The following GPR149 variants were observed in gnomAD, a reference collection of about 807,000 sequenced individuals.
The protein encoded by GPR149 is probable G protein-coupled receptor 149.
In GPR149, 50 loss-of-function variants were observed where a neutral mutation model predicts 50.2. The ratio of observed to expected loss-of-function variants is 1.00; its 90% confidence interval spans 0.79 to 1.26. The LOEUF (loss-of-function observed/expected upper bound fraction) is 1.26, where lower values mean the gene tolerates loss of function less well. Among genes scored for constraint, GPR149 ranks in the 50% most tolerant of loss-of-function variants. The pLI is 0.00. For missense variants in GPR149, 983 were observed against 895.4 expected (o/e 1.10, Z -1.25); for synonymous variants, 405 against 358.2 (o/e 1.13, Z -1.48).
intron 3 of GPR149, among the ~76,000 whole-genome samples, chr3:154,410,490 G>A (rs1040388233): frequency 2.6e-5 from 4 of 151,988 alleles, no homozygotes; most frequent in Non-Finnish European, 4.4e-5. Context: ...CAGGAGACTC[G>A]CCTAACACGT....
intron 3 of GPR149, among the ~76,000 whole-genome samples, chr3:154,347,611 A>G (rs1035191290): frequency 6.6e-6 from 1 of 152,260 alleles, no homozygotes; most frequent in Non-Finnish European, 1.5e-5. Context: ...TAATATAATC[A>G]CACGGGTGGT....
At chr3:154,416,713 C>T (rs1033125313) in intron 3 of GPR149, among the ~76,000 whole-genome samples, 4 of 151,704 alleles carry the variant, frequency 2.6e-5, no homozygotes, top group Non-Finnish European at 4.4e-5. Flanking sequence ...AAAATTAGTT[C>T]TTGTTGGCCT....
At chr3:154,408,464 A>G (rs1711753133) in intron 3 of GPR149, among the ~76,000 whole-genome samples, 1 of 152,150 alleles carries the variant, frequency 6.6e-6, no homozygotes, top group South Asian at 2.1e-4. Context: ...CTGGAAATAG[A>G]CGCAAGGCTG....
At chr3:154,399,116 C>T (rs374792687) in intron 3 of GPR149, among the ~76,000 whole-genome samples, 3 of 151,874 alleles carry the variant, frequency 2.0e-5, no homozygotes, top group South Asian at 4.2e-4. Flanking sequence ...TTTGGTTATT[C>T]GGAAGTTGGG....
At chr3:154,402,621 A>C (rs908043381) in intron 3 of GPR149, among the ~76,000 whole-genome samples, 13 of 152,142 alleles carry the variant, frequency 8.5e-5, no homozygotes, top group Admixed American at 1.3e-4. Flanking sequence ...TGTAAGACCC[A>C]AAACACGGTA....
chr3:154,423,121 C>T (rs1322918543), intron 2 of GPR149, among the ~76,000 whole-genome samples: 1 of 151,748 alleles, frequency 6.6e-6, no homozygotes, highest in African/African-American at 2.4e-5. Context: ...GGAGACTTCA[C>T]CTCCATGTCA....
intron 3 of GPR149, among the ~76,000 whole-genome samples, chr3:154,408,173 G>A (rs879603885): frequency 1.3e-5 from 2 of 152,148 alleles, no homozygotes; most frequent in Admixed American, 6.5e-5. Flanking sequence ...AGAAAGAATG[G>A]TAGAAATAAG....
intron 3 of GPR149, among the ~76,000 whole-genome samples, chr3:154,372,664 G>A (rs1049978093): frequency 1.3e-5 from 2 of 152,210 alleles, no homozygotes; most frequent in African/African-American, 4.8e-5. Flanking sequence ...CAGAGGACCA[G>A]TATGGAGGTC....
chr3:154,343,051 T>C (rs1327516844), intron 3 of GPR149, among the ~76,000 whole-genome samples: 1 of 152,212 alleles, frequency 6.6e-6, no homozygotes, highest in African/African-American at 2.4e-5. Context: ...CTTGAATAGA[T>C]GAGGTAAGGC....
intron 3 of GPR149, among the ~76,000 whole-genome samples, chr3:154,392,249 T>C (rs1167496187): frequency 6.6e-6 from 1 of 151,798 alleles, no homozygotes; most frequent in Non-Finnish European, 1.5e-5. Context: ...TAGAAATCAG[T>C]AGCTGAAGAA....
At chr3:154,400,329 A>G (rs573755310) in intron 3 of GPR149, among the ~76,000 whole-genome samples, 26 of 152,156 alleles carry the variant, frequency 1.7e-4, no homozygotes, top group Non-Finnish European at 2.9e-4. Flanking sequence ...TTGAATCCTC[A>G]TAGTAGTTTT....
chr3:154,385,147 T>C (rs748179390), intron 3 of GPR149, among the ~76,000 whole-genome samples: 2 of 152,166 alleles, frequency 1.3e-5, no homozygotes, highest in Non-Finnish European at 2.9e-5. Flanking sequence ...GCTTGGTGTT[T>C]AGATATTTTT....
At position 154,337,720 on chromosome 3, in the gene GPR149, C is replaced by G. The variant is rs779700534; in HGVS notation, c.2175G>C (p.Glu725Asp). 2.4e-5 allele frequency: 39 copies of G among 1,602,276 alleles called. No homozygotes were observed. Among genetic ancestry groups the G allele is most frequent in the Non-Finnish European group, 3.2e-5 (38 of 1,174,368 alleles). ...QLLNKAYRKR[E>D]EESKGS ...CCCACTAACTACCCTTGCTTTCTTC[C>G]TCTCTTTTTCTGTAAGCTTTATTTA... Residue 725 changes from glutamate (E) to aspartate (D), a missense_variant, in exon 4 of 4, where the codon GAG (glutamate) becomes GAC (aspartate). Coordinates refer to ENST00000389740, the MANE Select transcript of GPR149 (RefSeq NM_001038705.3).
chr3:154,359,055 T>C (rs2108394053), intron 3 of GPR149, among the ~76,000 whole-genome samples: 1 of 152,310 alleles, frequency 6.6e-6, no homozygotes, highest in Non-Finnish European at 1.5e-5. Context: ...AAAAAATCGT[T>C]TAACTCCATA....
At chr3:154,365,470 G>T (rs1714507003) in intron 3 of GPR149, among the ~76,000 whole-genome samples, 1 of 152,120 alleles carries the variant, frequency 6.6e-6, no homozygotes, top group Non-Finnish European at 1.5e-5. Flanking sequence ...CACATCCTCA[G>T]TTTTCCCTCC....
intron 2 of GPR149, 87 bp from the exon 3 acceptor site, chr3:154,421,574 G>A (rs185864242): frequency 8.0e-5 from 50 of 628,404 alleles, no homozygotes; most frequent in Middle Eastern, 4.5e-4. Flanking sequence ...AATAGAAAGC[G>A]CATTCAACTT....
At chr3:154,350,552 T>A (rs907409214) in intron 3 of GPR149, among the ~76,000 whole-genome samples, 1 of 152,134 alleles carries the variant, frequency 6.6e-6, no homozygotes. Flanking sequence ...TCTGAATAAA[T>A]GAAGAGACAT....
chr3:154,359,283 A>G (rs184323579), intron 3 of GPR149, among the ~76,000 whole-genome samples: 1 of 152,344 alleles, frequency 6.6e-6, no homozygotes, highest in African/African-American at 2.4e-5. Flanking sequence ...GGAATTAATT[A>G]CATTTTCCAT....
At chr3:154,360,950 C>A (rs1333092780) in intron 3 of GPR149, among the ~76,000 whole-genome samples, 1 of 152,088 alleles carries the variant, frequency 6.6e-6, no homozygotes, top group Non-Finnish European at 1.5e-5. Flanking sequence ...AGTAAAATTT[C>A]AAGTCTTAAA....
Sources: gnomAD v4.1 joint callset for allele counts (sites outside exome capture counted in the v4.1 genomes callset) on GRCh38, gnomAD v4.1.1 for gene constraint, MANE v1.5 for transcripts, NCBI Gene and HGNC (gene_info 2026-07-23, HGNC 2026-07-21) for gene names.